Variants in UBP1 observed in about 807,000 individuals in gnomAD.
The protein encoded by UBP1 is upstream binding protein 1.
Under a neutral mutation model 76.1 loss-of-function variants are expected in UBP1, and 22 were observed. The observed-to-expected ratio is 0.29, with a 90% CI of 0.21 to 0.41. UBP1 has a LOEUF of 0.41. Ranked by LOEUF, UBP1 falls within the 10% of genes least tolerant of loss-of-function variation. UBP1 has a pLI of 1.00. For missense variants in UBP1, 436 were observed against 668.1 expected (o/e 0.65, Z 3.83); for synonymous variants, 224 against 237.1 (o/e 0.94, Z 0.51).
chr3:33,390,146 T>C lies in UBP1; in HGVS notation c.*185A>G. The stretch of plus-strand genomic sequence containing the variant: ...GATGTGCTCACTCTCATGAGGATGC[T>C]TGGCTATGGCAGTGACAGTGAGGAG... On this transcript the variant is annotated 3_prime_UTR_variant, in exon 16 of 16. Coordinates refer to ENST00000283629, the MANE Select transcript of UBP1 (RefSeq NM_014517.5). 1.6e-6 allele frequency: 1 copy of C among 621,026 alleles called. No homozygotes were observed. The highest frequency in any genetic ancestry group is 2.8e-6 in the Non-Finnish European group (1 of 352,630). 38.5% of individuals were successfully genotyped at this position (621,026 alleles called of 1,614,324 possible).
intron 9 of UBP1, among the ~76,000 whole-genome samples, chr3:33,402,097 T>G (rs559108584): frequency 6.6e-6 from 1 of 152,270 alleles, no homozygotes; most frequent in Admixed American, 6.5e-5. Context: ...CTTTCATAAT[T>G]TTCCTCCCCA....
chr3:33,412,838 A>G lies in UBP1; in HGVS notation c.343-11T>C, dbSNP rs776985339. 6.3e-7 allele frequency: 1 copy of G among 1,594,228 alleles called. No individual in the cohort carries two copies. Among genetic ancestry groups the G allele is most frequent in the South Asian group, 1.1e-5 (1 of 90,668 alleles). On this transcript the variant is annotated splice_polypyrimidine_tract_variant and intron_variant, in intron 3 of 15. Transcript: ENST00000283629. ...AACCCTTATGATGCTCTGTGGAATAAGTGCGGAAAATGAGTACTTTTAAAC... is the reference window on the plus strand; with the variant it reads ...AACCCTTATGATGCTCTGTGGAATAGGTGCGGAAAATGAGTACTTTTAAAC...
At chr3:33,408,319 C>T (rs1227856070) in intron 8 of UBP1, among the ~76,000 whole-genome samples, 1 of 151,962 alleles carries the variant, frequency 6.6e-6, no homozygotes, top group South Asian at 2.1e-4. Context: ...AAAATAATAG[C>T]TAATTTACTA....
chr3:33,393,543 C>T (rs2043851877), intron 13 of UBP1, 89 bp from the exon 14 acceptor site: 1 of 1,305,728 alleles, frequency 7.7e-7, no homozygotes, highest in South Asian at 1.8e-5. Context: ...ACGAAGGTCA[C>T]ACCTTTCAAA....
At chr3:33,426,380 G>A (rs1279714090) in intron 1 of UBP1, among the ~76,000 whole-genome samples, 1 of 151,958 alleles carries the variant, frequency 6.6e-6, no homozygotes, top group African/African-American at 2.4e-5. Context: ...AGAATGATGA[G>A]GGGTCTTCTG....
intron 2 of UBP1, among the ~76,000 whole-genome samples, chr3:33,422,086 A>G (rs1336524365): frequency 6.6e-6 from 1 of 152,120 alleles, no homozygotes; most frequent in African/African-American, 2.4e-5. Flanking sequence ...AAGAAAAGCA[A>G]GTCTAGTGAG....
In UBP1 at chr3:33,401,031, G is replaced by C. The variant is rs1229511379; in HGVS notation, c.1032-15C>G. The C allele has an allele frequency of 1.3e-6, 2 of 1,578,472 alleles. No homozygotes were observed. The highest frequency in any genetic ancestry group is 1.9e-5 in the Admixed American group (1 of 52,346). ...AAGAAGAATTGCTGGGGAGAAAGGA[G>C]AAAGAAGGAAATGATGATTTTTATA... On this transcript the variant is annotated splice_polypyrimidine_tract_variant and intron_variant, in intron 9 of 15. Transcript: ENST00000283629.
chr3:33,412,918 GTA>G, intron 3 of UBP1, 91 bp from the exon 4 acceptor site: 1 of 810,106 alleles, frequency 1.2e-6, no homozygotes, highest in Non-Finnish European at 2.2e-6. Flanking sequence ...ACCTGTAGCA[GTA>G]GAACACATAC....
intron 1 of UBP1, among the ~76,000 whole-genome samples, chr3:33,435,008 T>C (rs1475748011): frequency 6.6e-6 from 1 of 152,330 alleles, no homozygotes; most frequent in African/African-American, 2.4e-5. Context: ...TTTAAAGGGT[T>C]GTAAAAAACA....
At chr3:33,409,671 T>C (rs2044519007) in intron 5 of UBP1, 70 bp from the exon 6 acceptor site, 1 of 1,584,516 alleles carries the variant, frequency 6.3e-7, no homozygotes, top group Admixed American at 1.7e-5. Flanking sequence ...TTGTTCCCTC[T>C]TGAGTGACCT....
At chr3:33,396,798 C>G (rs1490201292) in intron 12 of UBP1, 2 of 651,394 alleles carry the variant, frequency 3.1e-6, no homozygotes, top group Non-Finnish European at 5.7e-6. Context: ...TTCAAGAAAT[C>G]AGTACTGCCC....
At chr3:33,419,700 T>G (rs897883275) in intron 2 of UBP1, among the ~76,000 whole-genome samples, 1 of 151,960 alleles carries the variant, frequency 6.6e-6, no homozygotes, top group Non-Finnish European at 1.5e-5. Context: ...GGTTTCCCTA[T>G]TGGAAACTAT....
intron 15 of UBP1, chr3:33,391,298 C>T (rs776935692): frequency 3.9e-5 from 6 of 152,248 alleles, no homozygotes; most frequent in Non-Finnish European, 7.3e-5. Context: ...CTTAGCTCAC[C>T]TGACTTTTAA....
intron 1 of UBP1, among the ~76,000 whole-genome samples, chr3:33,435,223 T>C (rs2154060119): frequency 6.6e-6 from 1 of 152,332 alleles, no homozygotes; most frequent in South Asian, 2.1e-4. Context: ...AAAAAGTTGT[T>C]AAACCTTGAA....
chr3:33,433,735 A>G (rs1231273628), intron 1 of UBP1, among the ~76,000 whole-genome samples: 1 of 152,066 alleles, frequency 6.6e-6, no homozygotes, highest in African/African-American at 2.4e-5. Flanking sequence ...CAAAGTAAAT[A>G]ATACAGAGCC....
chr3:33,389,975 G>GT lies in UBP1; in HGVS notation c.*355dup, dbSNP rs1471868568. The GT allele has an allele frequency of 4.6e-6, 1 of 218,496 alleles. No individual in the cohort carries two copies. The highest frequency in any genetic ancestry group is 9.1e-6 in the Non-Finnish European group (1 of 109,914). 13.5% of individuals were successfully genotyped at this position (218,496 alleles called of 1,614,324 possible). A position where few individuals can be genotyped will look rare whatever the true frequency, so the allele number is the denominator to read the frequency against. On this transcript the variant is annotated 3_prime_UTR_variant, in exon 16 of 16. Coordinates refer to ENST00000283629, the MANE Select transcript of UBP1 (RefSeq NM_014517.5). ...TGGCACAGAAAGGTAAATGCCCACA[G>GT]TAAGTTTCTACATTCATTTCCAAAC...
chr3:33,411,533 A>C, intron 5 of UBP1, 48 bp downstream of exon 5: 1 of 1,502,704 alleles, frequency 6.7e-7, no homozygotes. Flanking sequence ...TCCTACCATG[A>C]CCTAAATAAC....
At chr3:33,418,380 G>A (rs1019064408) in intron 2 of UBP1, among the ~76,000 whole-genome samples, 1 of 151,912 alleles carries the variant, frequency 6.6e-6, no homozygotes, top group African/African-American at 2.4e-5. Context: ...TTGGACTCCT[G>A]AGTACCTGGG....
intron 2 of UBP1, among the ~76,000 whole-genome samples, chr3:33,422,418 A>C (rs1261193853): frequency 6.6e-6 from 1 of 151,864 alleles, no homozygotes; most frequent in African/African-American, 2.4e-5. Context: ...GGGAGGAGGG[A>C]GGAAAGAAGA....
Sources: allele counts gnomAD v4.1 joint callset (sites outside exome capture counted in the v4.1 genomes callset), GRCh38; gene constraint gnomAD v4.1.1; transcripts MANE v1.5; gene names NCBI Gene and HGNC (gene_info 2026-07-23, HGNC 2026-07-21).